Variants in PDZD2 observed in about 807,000 individuals in gnomAD.
PDZD2 encodes the protein PDZ domain-containing protein 2.
PDZD2 carries 90 observed loss-of-function variants against 220.7 expected under a neutral mutation model. The ratio of observed to expected loss-of-function variants is 0.41; its 90% CI spans 0.34 to 0.49. The LOEUF is 0.49. Among genes scored for constraint, PDZD2 ranks in the 20% least tolerant of loss-of-function variants. PDZD2 has a pLI of 0.28. For synonymous variants in PDZD2, 1,375 were observed against 1,450.5 expected (o/e 0.95, Z 1.18); for missense variants, 3,174 against 3,608.5 (o/e 0.88, Z 3.08).
intron 1 of PDZD2, among the ~76,000 whole-genome samples, chr5:31,665,638 TC>T (rs202150349): frequency 0.15 from 11,174 of 75,644 alleles, 675 homozygotes; most frequent in East Asian, 0.38. Context: ...GTTTGGAAGT[TC>T]CCCCTCCCCC....
intron 2 of PDZD2, among the ~76,000 whole-genome samples, chr5:31,805,234 T>C (rs9292443): frequency 0.65 from 99,053 of 152,116 alleles, 32,408 homozygotes; most frequent in East Asian, 0.74. Flanking sequence ...AATTGTAATA[T>C]AGACTCCTTT....
rs914145738 is a variant in PDZD2 at position 31,840,623 on chromosome 5, C to CT, written c.476+40902dup. ...ACCCAGGTACCTTTCTGATAGGCTT[C>CT]TTTCTTTTTCTGATCATTTTCCTCA... On this transcript the variant is annotated intron_variant, in intron 2 of 24. Transcript: ENST00000438447. 5 of 717,918 alleles carry CT rather than the reference C, an allele frequency of 7.0e-6. No individual in the cohort carries two copies. In the African/African-American group the frequency reaches 8.8e-5, roughly 13 times the overall value. 44.5% of individuals were successfully genotyped at this position (717,918 alleles called of 1,614,324 possible).
At chr5:31,740,533 A>G (rs1750190593) in intron 1 of PDZD2, among the ~76,000 whole-genome samples, 2 of 99,382 alleles carry the variant, frequency 2.0e-5, no homozygotes, top group South Asian at 7.4e-4. Flanking sequence ...TCAAAAAAAA[A>G]AAAAAAAAAA....
At chr5:31,823,694 G>A (rs796850718) in intron 2 of PDZD2, among the ~76,000 whole-genome samples, 1 of 152,110 alleles carries the variant, frequency 6.6e-6, no homozygotes, top group Non-Finnish European at 1.5e-5. Context: ...GCCATCAAGC[G>A]GTGAGCTTGG....
At chr5:31,997,213 C>G (rs1305786661) in intron 4 of PDZD2, among the ~76,000 whole-genome samples, 1 of 152,100 alleles carries the variant, frequency 6.6e-6, no homozygotes, top group African/African-American at 2.4e-5. Flanking sequence ...TACCCTGATT[C>G]TAAGAGGGGT....
chr5:31,872,356 T>C (rs187521016), intron 2 of PDZD2, among the ~76,000 whole-genome samples: 109 of 152,272 alleles, frequency 7.2e-4, no homozygotes, highest in African/African-American at 2.5e-3. Context: ...GTCACTTCTC[T>C]AGCTCTTCTT....
At chr5:31,745,658 A>T (rs1750557009) in intron 1 of PDZD2, among the ~76,000 whole-genome samples, 1 of 152,096 alleles carries the variant, frequency 6.6e-6, no homozygotes, top group Non-Finnish European at 1.5e-5. Context: ...TTCCTGTTTT[A>T]GCATCTTCCC....
chr5:31,720,381 GAA>G (rs1561405741), intron 1 of PDZD2, among the ~76,000 whole-genome samples: 1 of 152,172 alleles, frequency 6.6e-6, no homozygotes, highest in Admixed American at 6.5e-5. Flanking sequence ...CATACATTCA[GAA>G]ACATCACAAC....
chr5:31,692,449 G>A (rs1006010689), intron 1 of PDZD2, among the ~76,000 whole-genome samples: 6 of 152,234 alleles, frequency 3.9e-5, no homozygotes, highest in Non-Finnish European at 8.8e-5. Flanking sequence ...CTCAAGTGCC[G>A]CCAAAGTGGG....
intron 2 of PDZD2, among the ~76,000 whole-genome samples, chr5:31,823,669 A>G (rs966904772): frequency 6.6e-6 from 1 of 152,156 alleles, no homozygotes. Flanking sequence ...CTACAACCAC[A>G]AAGAATTGAA....
At chr5:31,867,654 C>T (rs1171321768) in intron 2 of PDZD2, among the ~76,000 whole-genome samples, 20 of 152,154 alleles carry the variant, frequency 1.3e-4, no homozygotes, top group Admixed American at 1.2e-3. Flanking sequence ...AAGTTGGATT[C>T]AGATGGACAA....
At chr5:31,871,002 G>T (rs915826069) in intron 2 of PDZD2, among the ~76,000 whole-genome samples, 4 of 152,124 alleles carry the variant, frequency 2.6e-5, no homozygotes, top group African/African-American at 9.7e-5. Flanking sequence ...AGGAAGTGGT[G>T]TAAAAATGCC....
chr5:31,895,187 C>T (rs1020572183), intron 2 of PDZD2, among the ~76,000 whole-genome samples: 8 of 152,274 alleles, frequency 5.3e-5, no homozygotes, highest in South Asian at 4.2e-4. Flanking sequence ...CGTGCCTGGC[C>T]GCCCTTTCTT....
At chr5:31,860,727 G>A (rs371827314) in intron 2 of PDZD2, among the ~76,000 whole-genome samples, 58 of 152,162 alleles carry the variant, frequency 3.8e-4, no homozygotes, top group African/African-American at 1.3e-3. Flanking sequence ...GCATGGTAGC[G>A]TCTTCTTCAT....
In PDZD2 at chr5:31,983,207, C is replaced by T. The variant is rs1360004900; in HGVS notation, c.529C>T (p.Arg177Cys). The T allele has an allele frequency of 6.2e-7, 1 of 1,614,026 alleles. No individual in the cohort carries two copies. Among genetic ancestry groups the T allele is most frequent in the Non-Finnish European group, 8.5e-7 (1 of 1,179,930 alleles). Residue 177 changes from arginine to cysteine, a missense_variant, in exon 3 of 25, where the codon CGT becomes TGT. Coordinates refer to ENST00000438447, the MANE Select transcript of PDZD2 (RefSeq NM_178140.4). ...CGGCTTTATCTACCTGATCATGCTG[C>T]GTCGCTTTAAGCACAAAGCCCACTC... ...NGGFIYLIML[R>C]RFKHKAHSTY... is the part of the protein sequence containing the mutation.
chr5:32,007,834 C>T (rs931912984), intron 5 of PDZD2, among the ~76,000 whole-genome samples: 1 of 152,322 alleles, frequency 6.6e-6, no homozygotes, highest in African/African-American at 2.4e-5. Flanking sequence ...CCCTGGCCCT[C>T]ATGTGCTGCG....
At position 32,087,483 on chromosome 5, in the gene PDZD2, C is replaced by T; in HGVS notation, c.4035C>T (p.Leu1345=). ...GTGCTGTCCTGCCAGGAGACCCCCT[C>T]ACATCCCAGGAGCAGAGACAGGGAG... ...PAGAVLPGDP[L]TSQEQRQGAP... is the part of the protein sequence containing the mutation. Residue 1345 remains leucine (L), a synonymous_variant, in exon 20 of 25, where the codon CTC becomes CTT. Coordinates refer to ENST00000438447, the MANE Select transcript of PDZD2 (RefSeq NM_178140.4). The surrounding 1 kb of genome is among the most constrained non-coding windows in gnomAD (Gnocchi z 4.0). The T allele has an allele frequency of 6.2e-7, 1 of 1,613,486 alleles. No homozygotes were observed. The highest frequency in any genetic ancestry group is 1.7e-5 in the Admixed American group (1 of 59,966).
intron 2 of PDZD2, among the ~76,000 whole-genome samples, chr5:31,816,494 T>C (rs1755468554): frequency 6.6e-6 from 1 of 152,076 alleles, no homozygotes; most frequent in Non-Finnish European, 1.5e-5. Context: ...AAGAAAGTCA[T>C]GCTATGCAAA....
intron 2 of PDZD2, among the ~76,000 whole-genome samples, chr5:31,929,513 G>A (rs1745066808): frequency 6.6e-6 from 1 of 152,224 alleles, no homozygotes; most frequent in African/African-American, 2.4e-5. Flanking sequence ...ATCTTCCCCA[G>A]TTGAGAACCA....
Sources: allele counts gnomAD v4.1 joint callset (sites outside exome capture counted in the v4.1 genomes callset), GRCh38; gene constraint gnomAD v4.1.1; non-coding constraint Gnocchi (gnomAD v3.1); transcripts MANE v1.5; gene names NCBI Gene and HGNC (gene_info 2026-07-23, HGNC 2026-07-21).